TMEM50B: variants seen among roughly 807,000 people sequenced by gnomAD.
TMEM50B encodes HCV p7-trans-regulated protein 3.
A neutral mutation model predicts 23.4 loss-of-function variants in TMEM50B; 14 were observed. That is an observed-to-expected ratio of 0.60 (90% confidence interval 0.39 to 0.93). TMEM50B has a LOEUF of 0.93. Ranked by LOEUF, TMEM50B falls within the 40% of genes least tolerant of loss-of-function variation. TMEM50B has a pLI of 0.00. For synonymous variants in TMEM50B, 64 were observed against 62.3 expected, an observed-to-expected ratio of 1.03 and a Z score of -0.13; for missense variants, 159 against 193.0, an observed-to-expected ratio of 0.82 and a Z score of 1.04.
chr21:33,435,345 G>GC (rs17879945), intron 8 of TMEM50B, among the ~76,000 whole-genome samples: 5,049 of 152,128 alleles, frequency 0.033, 273 homozygotes, highest in African/African-American at 0.11. Context: ...CTGAACAAGA[G>GC]CCCCCAGTCC....
At chr21:33,464,355 G>A (rs1433701537) in intron 4 of TMEM50B, among the ~76,000 whole-genome samples, 2 of 151,568 alleles carry the variant, frequency 1.3e-5, no homozygotes, top group Non-Finnish European at 2.9e-5. Flanking sequence ...GTGTCACCAC[G>A]CCTGGCTAAT....
intron 1 of TMEM50B, among the ~76,000 whole-genome samples, chr21:33,478,550 A>G (rs1436164705): frequency 2.0e-5 from 3 of 152,156 alleles, no homozygotes; most frequent in African/African-American, 7.2e-5. Context: ...AATTCAGAAA[A>G]GACTAGCCAG....
intron 6 of TMEM50B, among the ~76,000 whole-genome samples, chr21:33,451,541 G>A (rs770393038): frequency 2.0e-5 from 3 of 152,160 alleles, no homozygotes; most frequent in Non-Finnish European, 4.4e-5. Context: ...GAGGAGTGGT[G>A]ACTGAATTGA....
chr21:33,478,008 G>A (rs759131245), intron 1 of TMEM50B, among the ~76,000 whole-genome samples: 47 of 151,434 alleles, frequency 3.1e-4, no homozygotes, highest in Admixed American at 1.5e-3. Context: ...GGTGGTGGGC[G>A]CCTGTAGTCC....
intron 1 of TMEM50B, among the ~76,000 whole-genome samples, chr21:33,474,902 GA>G (rs1436230456): frequency 1.4e-5 from 2 of 140,410 alleles, no homozygotes; most frequent in Admixed American, 7.3e-5. Flanking sequence ...ACCTCTGGAA[GA>G]AAAAAATGCA....
At chr21:33,432,749 G>T (rs191792822) in exon 9 of TMEM50B, 2 of 1,614,018 alleles carry the variant, frequency 1.2e-6, no homozygotes, top group African/African-American at 2.7e-5. Flanking sequence ...CCTGATCTCC[G>T]TGGGAACATT....
intron 2 of TMEM50B, 141 bp downstream of exon 2, chr21:33,468,646 C>T: frequency 1.6e-6 from 1 of 640,954 alleles, no homozygotes; most frequent in Non-Finnish European, 2.7e-6. Context: ...GCAATAGTAT[C>T]TAGAACTCTG....
chr21:33,434,397 C>CTGTAA (rs2083922578), intron 8 of TMEM50B, among the ~76,000 whole-genome samples: 1 of 152,104 alleles, frequency 6.6e-6, no homozygotes, highest in African/African-American at 2.4e-5. Context: ...TGGTGGGCGC[C>CTGTAA]TGTAATCCCA....
intron 6 of TMEM50B, among the ~76,000 whole-genome samples, chr21:33,453,641 T>A (rs780473187): frequency 6.6e-6 from 1 of 151,906 alleles, no homozygotes; most frequent in Non-Finnish European, 1.5e-5. Flanking sequence ...GCAGAAGGAA[T>A]ATCAAGAAAA....
intron 1 of TMEM50B, among the ~76,000 whole-genome samples, chr21:33,473,557 T>A (rs1348591079): frequency 6.7e-6 from 1 of 150,222 alleles, no homozygotes; most frequent in Non-Finnish European, 1.5e-5. Context: ...GCACTTGTAG[T>A]CTCAGCTACT....
exon 9 of TMEM50B, chr21:33,432,682 T>C: frequency 1.2e-6 from 2 of 1,610,926 alleles, no homozygotes; most frequent in Non-Finnish European, 1.7e-6. Context: ...CGTAGGAAGA[T>C]CATTCTGTTC....
rs999111432 is a variant in TMEM50B at position 33,449,997 on chromosome 21, G to A, written c.*821C>T. 6.6e-6 allele frequency: 1 copy of A among 152,396 alleles called. No homozygotes were observed. Among genetic ancestry groups the A allele is most frequent in the Non-Finnish European group, 1.5e-5 (1 of 68,016 alleles). 9.4% of individuals were successfully genotyped at this position (152,396 alleles called of 1,614,324 possible). A position where few individuals can be genotyped will look rare whatever the true frequency, so the allele number is the denominator to read the frequency against. On this transcript the variant is annotated 3_prime_UTR_variant, in exon 7 of 7. Coordinates refer to ENST00000542230, the MANE Select transcript of TMEM50B (RefSeq NM_006134.7). ...CTTTTTAAAAGAAGCTTTCAAACTA[G>A]TCCTTTGGGCATTTAAAAAATCATT... is the stretch of plus-strand genomic sequence containing the variant.
At chr21:33,466,884 T>C (rs2084269017) in intron 3 of TMEM50B, 126 bp downstream of exon 3, 3 of 674,910 alleles carry the variant, frequency 4.4e-6, no homozygotes, top group African/African-American at 1.8e-5. Context: ...ATGGGAATTA[T>C]GTATGTATCA....
At chr21:33,478,264 C>G (rs183756444) in intron 1 of TMEM50B, among the ~76,000 whole-genome samples, 5 of 151,882 alleles carry the variant, frequency 3.3e-5, no homozygotes, top group African/African-American at 2.4e-5. Context: ...GTCAGGAGTT[C>G]AAGACCAGCC....
chr21:33,436,719 C>CA (rs1039163174), intron 8 of TMEM50B: 4,293 of 776,894 alleles, frequency 5.5e-3, no homozygotes, highest in Non-Finnish European at 6.3e-3. Context: ...GACTCCATCT[C>CA]AAAAAAAAAA....
At chr21:33,445,265 C>T (rs2084042363), downstream of TMEM50B, among the ~76,000 whole-genome samples, 2 of 152,160 alleles carry the variant, frequency 1.3e-5, no homozygotes, top group Non-Finnish European at 2.9e-5. Flanking sequence ...GGCAGCCTGT[C>T]CTGCCATACT....
At chr21:33,451,885 G>C (rs2123417732) in intron 6 of TMEM50B, among the ~76,000 whole-genome samples, 1 of 152,242 alleles carries the variant, frequency 6.6e-6, no homozygotes, top group East Asian at 1.9e-4. Context: ...AGGGAGTGGA[G>C]GATCAGCTTG....
chr21:33,459,569 G>A (rs2084199438), intron 5 of TMEM50B, among the ~76,000 whole-genome samples: 1 of 151,360 alleles, frequency 6.6e-6, no homozygotes, highest in Non-Finnish European at 1.5e-5. Context: ...TTGGGAGGCT[G>A]AGACAGGCAA....
downstream of TMEM50B, among the ~76,000 whole-genome samples, chr21:33,446,655 C>CAAAAAAAAAAAAAAAAAAAA (rs869154931): frequency 2.1e-4 from 4 of 19,192 alleles, no homozygotes; most frequent in Admixed American, 1.0e-3. Context: ...CACACACACA[C>CAAAAAAAAAAAAAAAAAAAA]AAAAAAAAAA....
Sources: allele counts gnomAD v4.1 joint callset (sites outside exome capture counted in the v4.1 genomes callset), GRCh38; gene constraint gnomAD v4.1.1; transcripts MANE v1.5; gene names NCBI Gene and HGNC (gene_info 2026-07-23, HGNC 2026-07-21).